SYTL2: variants seen among roughly 807,000 people sequenced by gnomAD.
The protein encoded by SYTL2 is synaptotagmin like 2.
Under a neutral mutation model 198.7 loss-of-function variants are expected in SYTL2, and 165 were observed. The observed-to-expected ratio is 0.83, with a 90% confidence interval of 0.73 to 0.94. SYTL2 has a LOEUF of 0.94. SYTL2 is among the 40% of genes least tolerant of loss of function. The pLI is 0.00. For synonymous variants in SYTL2, 966 were observed against 917.7 expected (o/e 1.05, Z -0.95); for missense variants, 2,835 against 2,582.8 (o/e 1.10, Z -2.12).
upstream of SYTL2, among the ~76,000 whole-genome samples, chr11:85,812,008 G>A (rs955463190): frequency 2.6e-5 from 4 of 152,204 alleles, no homozygotes; most frequent in African/African-American, 9.7e-5. Flanking sequence ...TTAGGAAGCT[G>A]AGGCAGGAGA....
At chr11:85,752,838 G>A (rs1180729969) in intron 2 of SYTL2, among the ~76,000 whole-genome samples, 1 of 133,792 alleles carries the variant, frequency 7.5e-6, no homozygotes, top group Non-Finnish European at 1.6e-5. Context: ...ACAAATGTTA[G>A]TTCCTTTCCC....
chr11:85,701,565 T>C (rs550352013), intron 16 of SYTL2, among the ~76,000 whole-genome samples: 7 of 152,340 alleles, frequency 4.6e-5, no homozygotes, highest in Non-Finnish European at 7.4e-5. Context: ...AACGTAATGG[T>C]AGCCAGTTAA....
chr11:85,698,979 A>T (rs2083841733), intron 17 of SYTL2, among the ~76,000 whole-genome samples: 1 of 152,142 alleles, frequency 6.6e-6, no homozygotes, highest in Non-Finnish European at 1.5e-5. Context: ...ATGCCACCAG[A>T]TTTTTCTGAA....
At position 85,726,695 on chromosome 11, in the gene SYTL2, G is replaced by A; in HGVS notation, c.2663C>T (p.Ser888Phe). 6.5e-7 allele frequency: 1 copy of A among 1,536,310 alleles called. No homozygotes were observed. The highest frequency in any genetic ancestry group is 2.4e-5 in the East Asian group (1 of 40,920). ...KETKPQIAGPSRYYLSAEQSD... is the reference protein window; with the variant it reads ...KETKPQIAGPFRYYLSAEQSD... ...TTGCTCAGCTGAAAGATAGTATCTG[G>A]ATGGACCTGCTATTTGTGGCTTGGT... The change falls in exon 8 of 20, where the codon TCC (serine) becomes TTC (phenylalanine). Residue 888 changes from serine to phenylalanine, a missense_variant. Coordinates refer to ENST00000359152, the MANE Select transcript of SYTL2 (RefSeq NM_206927.4).
chr11:85,726,310 A>G lies in SYTL2; in HGVS notation c.3048T>C (p.Asn1016=), dbSNP rs746601573. 14 of 1,614,034 alleles carry G rather than the reference A, an allele frequency of 8.7e-6. No individual in the cohort carries two copies. Among genetic ancestry groups the G allele is most frequent in the Non-Finnish European group, 1.1e-5 (13 of 1,179,958 alleles). The change falls in exon 8 of 20, where the codon AAT becomes AAC. Residue 1016 remains asparagine (N), a synonymous_variant. Transcript: ENST00000359152. ...TTSQKNSAPF[N]RQKHKEFSDI... ...CGCTGAATTCCTTGTGTTTCTGCCTATTAAAAGGTGCAGAATTTTTTTGGC... is the reference window on the plus strand; with the variant it reads ...CGCTGAATTCCTTGTGTTTCTGCCTGTTAAAAGGTGCAGAATTTTTTTGGC...
rs570135153 is a variant in SYTL2 at position 85,725,714 on chromosome 11, T to C, written c.3644A>G (p.Lys1215Arg). The change falls in exon 8 of 20, where the codon AAA becomes AGA. Residue 1215 changes from lysine (K) to arginine (R), a missense_variant. Coordinates refer to ENST00000359152, the MANE Select transcript of SYTL2 (RefSeq NM_206927.4). ...AGTTCCAGTTGCTTCCTTCAGGAGT[T>C]TGTCTAGACTAGCAGTCAAAGAGTT... The part of the protein sequence containing the change: ...KRNSLTASLD[K>R]LLKEATGTSP... 9 of 1,614,042 alleles carry C rather than the reference T, an allele frequency of 5.6e-6. No homozygotes were observed. The East Asian group carries it at 1.3e-4, about 24-fold the overall frequency.
chr11:85,844,378 G>A, the SYTL2 span, among the ~76,000 whole-genome samples: 2 of 152,126 alleles, frequency 1.3e-5, no homozygotes, highest in Non-Finnish European at 2.9e-5. Flanking sequence ...ACAGTACCTT[G>A]GGTTTGCTAA....
chr11:85,852,315 C>T, the SYTL2 span, among the ~76,000 whole-genome samples: 1 of 152,210 alleles, frequency 6.6e-6, no homozygotes, highest in Non-Finnish European at 1.5e-5. Flanking sequence ...ACTACCAGGA[C>T]ATAGACGCTC....
chr11:85,752,940 A>AC (rs2091616547), intron 2 of SYTL2, among the ~76,000 whole-genome samples: 4 of 143,730 alleles, frequency 2.8e-5, no homozygotes, highest in Non-Finnish European at 6.1e-5. Flanking sequence ...AAAAAAAAAA[A>AC]AAAAAAAAAA....
intron 1 of SYTL2, among the ~76,000 whole-genome samples, chr11:85,794,555 A>G (rs1156479911): frequency 6.6e-6 from 1 of 152,200 alleles, no homozygotes; most frequent in Non-Finnish European, 1.5e-5. Context: ...AGACTTTCAT[A>G]TCACCAAACT....
rs376952154 is a variant in SYTL2, at chr11:85,771,218, C to T, written c.-389-13104G>A. Among the ~76,000 whole-genome samples the T allele has an allele frequency of 5.9e-5, 9 of 152,218 alleles. No individual in the cohort carries two copies. The South Asian group carries it at 6.2e-4, about 11-fold the overall frequency. On this transcript the variant is annotated intron_variant, in intron 1 of 19. Transcript: ENST00000359152. ...AGAGCATCTCTCGAGACTTCCTGACCGGTGTAGTCTAAGGATGGTTTCACC... is the reference window on the plus strand; with the variant it reads ...AGAGCATCTCTCGAGACTTCCTGACTGGTGTAGTCTAAGGATGGTTTCACC...
rs1174375105 is a variant in SYTL2 at position 85,725,869 on chromosome 11, T to C, written c.3489A>G (p.Pro1163=). The change falls in exon 8 of 20, where the codon CCA becomes CCG. Residue 1163 remains proline (P), a synonymous_variant. Transcript: ENST00000359152. The part of the protein sequence containing the change: ...GKVHGKQVLE[P]SVSENRTWPQ... ...GCCATGTCCTATTTTCAGAAACACT[T>C]GGTTCAAGCACTTGTTTTCCATGAA... 6 of 1,613,780 alleles carry C rather than the reference T, an allele frequency of 3.7e-6. No homozygotes were observed. The highest frequency in any genetic ancestry group is 5.1e-6 in the Non-Finnish European group (6 of 1,179,968).
At chr11:85,718,909 T>C in intron 9 of SYTL2, 66 bp from the exon 10 acceptor site, 2 of 1,590,768 alleles carry the variant, frequency 1.3e-6, no homozygotes, top group Non-Finnish European at 1.7e-6. Context: ...ACAATGAGAT[T>C]GTCCCTGGAA....
intron 4 of SYTL2, among the ~76,000 whole-genome samples, chr11:85,740,986 C>A (rs2090743157): frequency 6.6e-6 from 1 of 152,122 alleles, no homozygotes. Flanking sequence ...TATGCACATG[C>A]AGTCATTTAA....
intron 1 of SYTL2, among the ~76,000 whole-genome samples, chr11:85,759,245 CAA>C (rs752168650): frequency 2.1e-4 from 12 of 58,502 alleles, no homozygotes; most frequent in Admixed American, 3.8e-4. Flanking sequence ...GACTCCTTAT[CAA>C]AAAAAAAAAA....
chr11:85,819,781 C>A, the SYTL2 span, among the ~76,000 whole-genome samples: 2 of 152,252 alleles, frequency 1.3e-5, no homozygotes, highest in Non-Finnish European at 2.9e-5. Flanking sequence ...CTCTCATGCT[C>A]TAACATAAAT....
intron 1 of SYTL2, among the ~76,000 whole-genome samples, chr11:85,776,470 A>G (rs1418116395): frequency 1.3e-5 from 2 of 151,816 alleles, no homozygotes; most frequent in Admixed American, 6.6e-5. Context: ...TCATTGTTCA[A>G]CTCTCATTTA....
rs1437624747 is a variant in SYTL2 at position 85,727,042 on chromosome 11, G to C, written c.2316C>G (p.Phe772Leu). 7 of 1,536,238 alleles carry C rather than the reference G, an allele frequency of 4.6e-6. No individual in the cohort carries two copies. The highest frequency in any genetic ancestry group is 3.5e-6 in the Non-Finnish European group (4 of 1,146,956). The change falls in exon 8 of 20, where the codon TTC (phenylalanine) becomes TTG (leucine). Residue 772 changes from phenylalanine to leucine, a missense_variant. Coordinates refer to ENST00000359152, the MANE Select transcript of SYTL2 (RefSeq NM_206927.4). Reference protein sequence around the residue: ...GSPWKKPEVQFQQEAGEVPKN... With the variant: ...GSPWKKPEVQLQQEAGEVPKN... ...TGGGAACCTCACCAGCTTCTTGCTG[G>C]AATTGGACCTCAGGCTTCTTCCAAG...
At chr11:85,709,254 CTT>C in intron 14 of SYTL2, 75 bp downstream of exon 14, 3 of 1,464,966 alleles carry the variant, frequency 2.0e-6, no homozygotes, top group Non-Finnish European at 2.8e-6. Context: ...CTCTTGATTA[CTT>C]TATTTCCTTC....
Sources: allele counts gnomAD v4.1 joint callset (sites outside exome capture counted in the v4.1 genomes callset), GRCh38; gene constraint gnomAD v4.1.1; transcripts MANE v1.5; gene names NCBI Gene and HGNC (gene_info 2026-07-23, HGNC 2026-07-21).